CDH20: variants seen among roughly 807,000 people sequenced by gnomAD.
CDH20 encodes the protein cadherin 20, also known as cadherin-20.
CDH20 carries 29 observed loss-of-function variants against 74.2 expected under a neutral mutation model. The ratio of observed to expected loss-of-function variants is 0.39; its 90% CI spans 0.29 to 0.53. The LOEUF is 0.53. Ranked by LOEUF, CDH20 falls within the 20% of genes least tolerant of loss-of-function variation. CDH20 has a pLI of 0.69. For missense variants in CDH20, 988 were observed against 1,048.3 expected (o/e 0.94, Z 0.79); for synonymous variants, 469 against 405.4 (o/e 1.16, Z -1.88).
intron 7 of CDH20, among the ~76,000 whole-genome samples, chr18:61,531,128 G>A (rs1599150470): frequency 2.0e-5 from 3 of 152,192 alleles, no homozygotes; most frequent in Non-Finnish European, 4.4e-5. Flanking sequence ...ATCCTATTCA[G>A]GGAAACAAAG....
intron 1 of CDH20, among the ~76,000 whole-genome samples, chr18:61,484,593 C>G (rs971652891): frequency 5.3e-5 from 8 of 152,056 alleles, no homozygotes. Context: ...TATTTATGAC[C>G]CAAGCTAGGG....
At chr18:61,521,097 G>A (rs1347405432) in intron 6 of CDH20, among the ~76,000 whole-genome samples, 4 of 150,980 alleles carry the variant, frequency 2.6e-5, no homozygotes, top group African/African-American at 4.9e-5. Context: ...AGGAGATAGA[G>A]ACACAAAAAA....
intron 1 of CDH20, among the ~76,000 whole-genome samples, chr18:61,471,029 C>G (rs937227510): frequency 6.6e-6 from 1 of 151,578 alleles, no homozygotes; most frequent in African/African-American, 2.4e-5. Context: ...ACCAAAGTAC[C>G]AGTCAAAAGG....
intron 1 of CDH20, among the ~76,000 whole-genome samples, chr18:61,399,331 A>G (rs929175321): frequency 2.0e-5 from 3 of 152,202 alleles, no homozygotes; most frequent in Non-Finnish European, 2.9e-5. Flanking sequence ...GTACTCGAGT[A>G]GCCTAACTTC....
chr18:61,405,169 A>G, intron 1 of CDH20: 3 of 511,134 alleles, frequency 5.9e-6, no homozygotes, highest in Non-Finnish European at 3.6e-6. Context: ...GAATTGATCA[A>G]CTCCAGCGAC....
At chr18:61,462,589 A>G (rs1297563672) in intron 1 of CDH20, among the ~76,000 whole-genome samples, 1 of 152,178 alleles carries the variant, frequency 6.6e-6, no homozygotes, top group African/African-American at 2.4e-5. Flanking sequence ...TACCAAAATG[A>G]CATATTATCC....
At chr18:61,375,609 G>T (rs1034780142) in intron 1 of CDH20, among the ~76,000 whole-genome samples, 1 of 152,082 alleles carries the variant, frequency 6.6e-6, no homozygotes, top group African/African-American at 2.4e-5. Flanking sequence ...CACCTGGAAT[G>T]CTTCCTTATC....
At chr18:61,461,344 AAAAAC>A (rs1428976409) in intron 1 of CDH20, among the ~76,000 whole-genome samples, 5 of 150,752 alleles carry the variant, frequency 3.3e-5, no homozygotes, top group Admixed American at 1.3e-4. Context: ...AAAAAAAAAA[AAAAAC>A]CAGAAATTTA....
intron 1 of CDH20, 133 bp downstream of exon 1, chr18:61,333,960 C>T (rs1909660575): frequency 6.6e-6 from 1 of 152,484 alleles, no homozygotes; most frequent in African/African-American, 2.4e-5. Context: ...CCAGCAACTC[C>T]CTGCCACCTC....
At chr18:61,524,474 A>G (rs1455173356) in intron 6 of CDH20, among the ~76,000 whole-genome samples, 1 of 152,222 alleles carries the variant, frequency 6.6e-6, no homozygotes, top group Non-Finnish European at 1.5e-5. Context: ...ATGAAATTTT[A>G]TGCTCACACA....
At chr18:61,541,039 A>C (rs1283383555) in intron 9 of CDH20, among the ~76,000 whole-genome samples, 1 of 152,150 alleles carries the variant, frequency 6.6e-6, no homozygotes. Context: ...AAGACCTGAA[A>C]TGTTATGCAG....
At chr18:61,486,379 C>T (rs1230865258) in intron 1 of CDH20, among the ~76,000 whole-genome samples, 1 of 152,276 alleles carries the variant, frequency 6.6e-6, no homozygotes, top group East Asian at 1.9e-4. Flanking sequence ...GTGAACCATA[C>T]ATACTGAAAT....
chr18:61,490,763 A>G lies in CDH20; in HGVS notation c.210A>G (p.Glu70=), dbSNP rs1752838612. 6.2e-7 allele frequency: 1 copy of G among 1,614,188 alleles called. No homozygotes were observed. The highest frequency in any genetic ancestry group is 8.5e-7 in the Non-Finnish European group (1 of 1,180,032). The stretch of plus-strand genomic sequence containing the variant: ...TTTGGAACCAGTTTTTCGTTCTGGA[A>G]GAGTACACTGGGACCGACCCTTTGT... ...SWVWNQFFVL[E]EYTGTDPLYV... Residue 70 remains glutamate (E), a synonymous_variant, in exon 2 of 12, where the codon GAA becomes GAG. Coordinates refer to ENST00000262717, the MANE Select transcript of CDH20 (RefSeq NM_031891.4).
chr18:61,511,851 AC>A (rs1165858982), intron 6 of CDH20, among the ~76,000 whole-genome samples: 1 of 152,222 alleles, frequency 6.6e-6, no homozygotes, highest in Non-Finnish European at 1.5e-5. Flanking sequence ...TGCCAAGGTC[AC>A]TTTGATTTCT....
chr18:61,414,594 C>T (rs1345127148), intron 1 of CDH20, among the ~76,000 whole-genome samples: 1 of 151,922 alleles, frequency 6.6e-6, no homozygotes, highest in Non-Finnish European at 1.5e-5. Context: ...CTTACATGAG[C>T]CTATCTGTAT....
chr18:61,547,990 C>A (rs369168394), intron 10 of CDH20, among the ~76,000 whole-genome samples: 12 of 151,998 alleles, frequency 7.9e-5, no homozygotes, highest in African/African-American at 2.7e-4. Context: ...AGTCTCATGA[C>A]CTCACCTGGA....
intron 1 of CDH20, among the ~76,000 whole-genome samples, chr18:61,444,598 G>A (rs762729333): frequency 3.4e-4 from 52 of 152,272 alleles, no homozygotes; most frequent in Non-Finnish European, 6.8e-4. Context: ...TCTGAGGAAG[G>A]TCAAGAGAGA....
At chr18:61,400,363 T>C (rs1299947670) in intron 1 of CDH20, among the ~76,000 whole-genome samples, 5 of 152,208 alleles carry the variant, frequency 3.3e-5, no homozygotes, top group African/African-American at 1.2e-4. Flanking sequence ...TGGGGGCAGA[T>C]GTGATTAGTG....
chr18:61,434,856 T>C (rs1385508076), intron 1 of CDH20, among the ~76,000 whole-genome samples: 1 of 152,210 alleles, frequency 6.6e-6, no homozygotes, highest in African/African-American at 2.4e-5. Context: ...GAATTATTTC[T>C]AATTTTTATA....
Sources: gnomAD v4.1 joint callset for allele counts (sites outside exome capture counted in the v4.1 genomes callset) on GRCh38, gnomAD v4.1.1 for gene constraint, MANE v1.5 for transcripts, NCBI Gene and HGNC (gene_info 2026-07-23, HGNC 2026-07-21) for gene names.